The following TBC1D8B variants were observed in gnomAD, a reference collection of about 807,000 sequenced individuals.
TBC1D8B encodes the protein RP11-321G1.1.
Under a neutral mutation model 82.9 loss-of-function variants are expected in TBC1D8B, and 75 were observed. The observed-to-expected ratio is 0.90, with a 90% CI of 0.75 to 1.10. TBC1D8B has a LOEUF of 1.10. Ranked by LOEUF, TBC1D8B falls within the 50% of genes least tolerant of loss-of-function variation. The pLI is 0.00. For missense variants in TBC1D8B, 794 were observed against 796.9 expected, an observed-to-expected ratio of 1.00 and a Z score of 0.04; for synonymous variants, 276 against 276.8, an observed-to-expected ratio of 1.00 and a Z score of 0.03.
At position 106,802,708 on chromosome X, in the gene TBC1D8B, G is replaced by A; in HGVS notation, c.-146G>A. 1 of 825,095 alleles carries A rather than the reference G, an allele frequency of 1.2e-6. No homozygotes were observed. The highest frequency in any genetic ancestry group is 3.3e-5 in the East Asian group (1 of 29,962). 68.0% of individuals were successfully genotyped at this position (825,095 alleles called of 1,213,427 possible). ...CTGCCTACGTGGGAGAGAAGGGAGG[G>A]TTGGGGGAAGTGTGGAAAACCTGAA... On this transcript the variant is annotated 5_prime_UTR_variant, in exon 1 of 21. Transcript: ENST00000357242.
intron 11 of TBC1D8B, 147 bp from the exon 12 acceptor site, chrX:106,849,878 T>C (rs746198965): frequency 9.9e-5 from 105 of 1,056,323 alleles, no homozygotes; most frequent in Non-Finnish European, 1.1e-4. Flanking sequence ...AGCAGTTAGA[T>C]GTATAAAATA....
Position 106,875,551 on chromosome X carries a change from T to C in TBC1D8B, c.*1586T>C, listed in dbSNP as rs978305339. 1 of 112,321 alleles carries C rather than the reference T, an allele frequency of 8.9e-6. No homozygotes were observed. The highest frequency in any genetic ancestry group is 1.9e-5 in the Non-Finnish European group (1 of 53,254). 9.3% of individuals were successfully genotyped at this position (112,321 alleles called of 1,213,427 possible). A position where few individuals can be genotyped will look rare whatever the true frequency, so the allele number is the denominator to read the frequency against. On this transcript the variant is annotated 3_prime_UTR_variant, in exon 21 of 21. Coordinates refer to ENST00000357242, the MANE Select transcript of TBC1D8B (RefSeq NM_017752.3). ...TCAAGGAAATTACCACTTAAAGAGA[T>C]AGTTGGTAAATAAACATCTATGCCT...
intron 12 of TBC1D8B, among the ~76,000 whole-genome samples, chrX:106,851,555 T>A (rs936475815): frequency 3.6e-5 from 4 of 111,156 alleles, no homozygotes; most frequent in African/African-American, 9.8e-5. Flanking sequence ...CCTAATGCTA[T>A]CCCTCTCCCC....
At chrX:106,873,088 C>T (rs1004399022) in intron 20 of TBC1D8B, among the ~76,000 whole-genome samples, 9 of 111,902 alleles carry the variant, frequency 8.0e-5, no homozygotes. Context: ...AAATTTTCTT[C>T]CATGGTTCAT....
At chrX:106,871,247 T>C (rs886249045) in intron 20 of TBC1D8B, among the ~76,000 whole-genome samples, 1 of 111,124 alleles carries the variant, frequency 9.0e-6, no homozygotes, top group Non-Finnish European at 1.9e-5. Flanking sequence ...TCTTATACAC[T>C]GCCTAATCAA....
intron 14 of TBC1D8B, among the ~76,000 whole-genome samples, chrX:106,862,790 T>TG (rs1932786848): frequency 1.0e-5 from 1 of 96,658 alleles, no homozygotes; most frequent in African/African-American, 3.8e-5. Context: ...TTTTTTTTTT[T>TG]TTTTTTTTTT....
chrX:106,842,565 C>A (rs1246476604), intron 10 of TBC1D8B, among the ~76,000 whole-genome samples: 5 of 109,779 alleles, frequency 4.6e-5, no homozygotes, highest in African/African-American at 9.9e-5. Context: ...TGGTTTTGAT[C>A]AAAAACCCAC....
chrX:106,811,262 T>C (rs1397405898), intron 1 of TBC1D8B, among the ~76,000 whole-genome samples: 1 of 111,978 alleles, frequency 8.9e-6, no homozygotes, highest in Non-Finnish European at 1.9e-5. Flanking sequence ...CGGTGACCCA[T>C]GCCTGTAATC....
chrX:106,832,418 C>T (rs189672563), intron 7 of TBC1D8B, among the ~76,000 whole-genome samples: 31 of 110,992 alleles, frequency 2.8e-4, no homozygotes, highest in Non-Finnish European at 2.1e-4. Flanking sequence ...CTTTCATTGA[C>T]ACATATAATC....
At chrX:106,853,241 A>G (rs1932629593) in intron 12 of TBC1D8B, among the ~76,000 whole-genome samples, 2 of 111,256 alleles carry the variant, frequency 1.8e-5, no homozygotes, top group South Asian at 3.8e-4. Flanking sequence ...TTATTGGTGT[A>G]TAAGAATGCT....
At chrX:106,835,077 A>C (rs1206101931) in intron 7 of TBC1D8B, among the ~76,000 whole-genome samples, 1 of 112,266 alleles carries the variant, frequency 8.9e-6, no homozygotes, top group Non-Finnish European at 1.9e-5. Context: ...TTTTCCTTCC[A>C]TACTGCTCTA....
At chrX:106,840,454 G>A (rs1002625505) in intron 9 of TBC1D8B, among the ~76,000 whole-genome samples, 9 of 111,418 alleles carry the variant, frequency 8.1e-5, no homozygotes, top group African/African-American at 1.6e-4. Context: ...TCAACAGTCA[G>A]TTAAGGGGGA....
intron 1 of TBC1D8B, among the ~76,000 whole-genome samples, chrX:106,816,012 G>C (rs1304663394): frequency 9.0e-6 from 1 of 111,422 alleles, no homozygotes; most frequent in African/African-American, 3.3e-5. Flanking sequence ...AGACAGGGAT[G>C]CCCTCTCTCA....
chrX:106,864,313 TGCCAGATAG>T (rs1368929752), intron 14 of TBC1D8B, among the ~76,000 whole-genome samples: 1 of 110,224 alleles, frequency 9.1e-6, no homozygotes, highest in Non-Finnish European at 1.9e-5. Context: ...TCCGCATTGA[TGCCAGATAG>T]GCTGCTGCCC....
chrX:106,822,883 G>C (rs1460128758), intron 4 of TBC1D8B, among the ~76,000 whole-genome samples: 2 of 109,155 alleles, frequency 1.8e-5, no homozygotes, highest in Non-Finnish European at 3.8e-5. Context: ...GCACATGCCT[G>C]TAGTCCCAGC....
At chrX:106,820,097 T>A (rs1160990352) in intron 2 of TBC1D8B, among the ~76,000 whole-genome samples, 2 of 111,243 alleles carry the variant, frequency 1.8e-5, no homozygotes, top group South Asian at 7.5e-4. Flanking sequence ...TTATAAAATA[T>A]ACTAAAAAGT....
intron 10 of TBC1D8B, among the ~76,000 whole-genome samples, chrX:106,842,613 A>G (rs1328595654): frequency 1.2e-5 from 1 of 84,200 alleles, no homozygotes; most frequent in Non-Finnish European, 2.1e-5. Context: ...CTATCTATCT[A>G]TCTATCTATC....
Position 106,820,987 on chromosome X carries a change from A to C in TBC1D8B, c.352A>C (p.Lys118Gln). Residue 118 changes from lysine (K) to glutamine (Q), a missense_variant, in exon 3 of 21, where the codon AAA becomes CAA. By Grantham distance (53) the Lys-to-Gln change is moderately conservative (BLOSUM62 1). Transcript: ENST00000357242. ...NEDITNFVQG[K>Q]IRGLIAEEGK... ...AGATATTACTAATTTTGTACAAGGA[A>C]AAATAAGAGTAAGTGGCACGGATAT... The C allele has an allele frequency of 9.0e-7, 1 of 1,110,120 alleles. No homozygotes were observed. The highest frequency in any genetic ancestry group is 1.2e-6 in the Non-Finnish European group (1 of 819,249). 91.5% of individuals were successfully genotyped at this position (1,110,120 alleles called of 1,213,427 possible).
rs1932884027 is a variant in TBC1D8B at position 106,875,771 on chromosome X, G to A, written c.*1806G>A. On this transcript the variant is annotated 3_prime_UTR_variant, in exon 21 of 21. Transcript: ENST00000357242. The stretch of plus-strand genomic sequence containing the variant: ...TTTGTCAGTTGTATTTACAAAGAAA[G>A]GTACTTTCTTAAGAGCATATATGTT... 8.9e-6 allele frequency: 1 copy of A among 111,758 alleles called. No individual in the cohort carries two copies. The highest frequency in any genetic ancestry group is 1.9e-5 in the Non-Finnish European group (1 of 53,166). 9.2% of individuals were successfully genotyped at this position (111,758 alleles called of 1,213,427 possible). A position where few individuals can be genotyped will look rare whatever the true frequency, so the allele number is the denominator to read the frequency against.
Sources: allele counts gnomAD v4.1 joint callset (sites outside exome capture counted in the v4.1 genomes callset), GRCh38; gene constraint gnomAD v4.1.1; transcripts MANE v1.5; gene names NCBI Gene and HGNC (gene_info 2026-07-23, HGNC 2026-07-21).